The following PTPRD variants were observed in gnomAD, a reference collection of about 807,000 sequenced individuals.
PTPRD encodes protein tyrosine phosphatase receptor type D.
PTPRD carries 34 observed loss-of-function variants against 214.5 expected under a neutral mutation model. That is an observed-to-expected ratio of 0.16 (90% CI 0.12 to 0.21). The LOEUF is 0.21. Ranked by LOEUF, PTPRD falls within the 10% of genes least tolerant of loss-of-function variation. PTPRD has a pLI of 1.00. For missense variants in PTPRD, 2,545 were observed against 2,398.7 expected (o/e 1.06, Z -1.27); for synonymous variants, 1,128 against 845.7 (o/e 1.33, Z -5.79).
At chr9:9,360,504 G>T (rs1043458333) in intron 9 of PTPRD, among the ~76,000 whole-genome samples, 33 of 151,106 alleles carry the variant, frequency 2.2e-4, no homozygotes, top group African/African-American at 8.0e-4. Flanking sequence ...AAGGTCTATG[G>T]GAGTGTGAAT....
chr9:8,997,107 A>C (rs1194430488), intron 11 of PTPRD, among the ~76,000 whole-genome samples: 1 of 152,144 alleles, frequency 6.6e-6, no homozygotes, highest in Non-Finnish European at 1.5e-5. Context: ...GCTCAATGGC[A>C]GCATAATATT....
At chr9:8,684,400 A>G (rs906483638) in intron 12 of PTPRD, among the ~76,000 whole-genome samples, 8 of 152,220 alleles carry the variant, frequency 5.3e-5, no homozygotes, top group Admixed American at 3.3e-4. Flanking sequence ...CACAGCTGAC[A>G]AGTGAACCAA....
intron 3 of PTPRD, among the ~76,000 whole-genome samples, chr9:10,085,884 T>G (rs2098329293): frequency 6.6e-6 from 1 of 151,852 alleles, no homozygotes. Context: ...GGCAGTGTGA[T>G]GAACTGCCAA....
intron 10 of PTPRD, among the ~76,000 whole-genome samples, chr9:9,100,405 C>T (rs1285795651): frequency 6.6e-6 from 1 of 152,054 alleles, no homozygotes; most frequent in Non-Finnish European, 1.5e-5. Flanking sequence ...TGTAGTGACA[C>T]AGAGTAGGGT....
intron 4 of PTPRD, among the ~76,000 whole-genome samples, chr9:10,005,127 C>T (rs1364952102): frequency 6.6e-6 from 1 of 151,916 alleles, no homozygotes; most frequent in South Asian, 2.1e-4. Context: ...ATTTTTCAGC[C>T]CATTTAAAGG....
chr9:10,134,658 T>C (rs2098928925), intron 3 of PTPRD, among the ~76,000 whole-genome samples: 1 of 152,042 alleles, frequency 6.6e-6, no homozygotes, highest in Non-Finnish European at 1.5e-5. Context: ...TAGTCGTGTA[T>C]ATTCAACTTA....
intron 10 of PTPRD, among the ~76,000 whole-genome samples, chr9:9,051,368 G>C (rs949605941): frequency 1.3e-5 from 2 of 152,104 alleles, no homozygotes; most frequent in African/African-American, 4.8e-5. Context: ...TGCCTGAAAT[G>C]TTTCATTATG....
chr9:10,314,041 A>G (rs1048411013), intron 3 of PTPRD, among the ~76,000 whole-genome samples: 14 of 151,976 alleles, frequency 9.2e-5, no homozygotes, highest in East Asian at 7.8e-4. Context: ...ACAGAAGCTT[A>G]TAAGTGAGAG....
intron 11 of PTPRD, among the ~76,000 whole-genome samples, chr9:8,844,707 A>G (rs1215013441): frequency 1.3e-5 from 2 of 152,214 alleles, no homozygotes; most frequent in Admixed American, 6.5e-5. Flanking sequence ...TGGTCCAATA[A>G]TAGCCAAATC....
At chr9:9,323,899 C>T (rs961156834) in intron 9 of PTPRD, among the ~76,000 whole-genome samples, 2 of 152,138 alleles carry the variant, frequency 1.3e-5, no homozygotes, top group Admixed American at 1.3e-4. Context: ...TCCAAGTGTT[C>T]TCATTGTTCA....
At chr9:9,149,295 GA>G (rs1224936018) in intron 10 of PTPRD, among the ~76,000 whole-genome samples, 1 of 152,194 alleles carries the variant, frequency 6.6e-6, no homozygotes, top group Non-Finnish European at 1.5e-5. Context: ...AGTACACACT[GA>G]AAAGTGTTAG....
intron 3 of PTPRD, among the ~76,000 whole-genome samples, chr9:10,263,674 C>A (rs1413331889): frequency 2.0e-5 from 3 of 152,092 alleles, no homozygotes; most frequent in Admixed American, 2.0e-4. Context: ...CCTGACAATG[C>A]AATAGACAAG....
intron 9 of PTPRD, among the ~76,000 whole-genome samples, chr9:9,241,537 G>T (rs1477716658): frequency 6.6e-6 from 1 of 152,048 alleles, no homozygotes; most frequent in African/African-American, 2.4e-5. Context: ...TGGAGAAACT[G>T]GTCTCATACC....
Position 8,995,732 on chromosome 9 carries a change from G to C in PTPRD, c.-104+22965C>G, listed in dbSNP as rs998308441. On this transcript the variant is annotated intron_variant, in intron 11 of 45. Coordinates refer to ENST00000381196, the MANE Select transcript of PTPRD (RefSeq NM_002839.4). ...GCAGAGCTCATTCACAGAAGTTTCA[G>C]GTTTCACAGTGTTATATACTGGTTC... Among the ~76,000 whole-genome samples, 20 of 151,442 alleles carry C rather than the reference G, an allele frequency of 1.3e-4. 1 individual carries two copies. Among genetic ancestry groups the C allele is most frequent in the African/African-American group, 4.2e-4 (17 of 40,834 alleles).
At chr9:8,954,640 G>C (rs1053957536) in intron 11 of PTPRD, among the ~76,000 whole-genome samples, 5 of 151,816 alleles carry the variant, frequency 3.3e-5, no homozygotes, top group African/African-American at 1.2e-4. Flanking sequence ...GTTCCAATGA[G>C]AAGTAACAGG....
intron 3 of PTPRD, among the ~76,000 whole-genome samples, chr9:10,204,987 A>G (rs2099461404): frequency 1.3e-5 from 2 of 152,150 alleles, no homozygotes; most frequent in African/African-American, 4.8e-5. Flanking sequence ...TTTGAGTACA[A>G]ATTAATACTT....
chr9:8,581,855 T>C (rs1404017226), intron 14 of PTPRD, among the ~76,000 whole-genome samples: 1 of 117,618 alleles, frequency 8.5e-6, no homozygotes, highest in Non-Finnish European at 1.6e-5. Flanking sequence ...TTTGGGGAGG[T>C]GGAGGCGAGT....
At chr9:8,982,114 C>T (rs898453033) in intron 11 of PTPRD, among the ~76,000 whole-genome samples, 1 of 151,966 alleles carries the variant, frequency 6.6e-6, no homozygotes, top group Non-Finnish European at 1.5e-5. Context: ...GTGAAATTAA[C>T]ACACTGAATT....
intron 37 of PTPRD, among the ~76,000 whole-genome samples, chr9:8,379,186 T>C (rs2084189035): frequency 6.6e-6 from 1 of 152,218 alleles, no homozygotes; most frequent in Non-Finnish European, 1.5e-5. Context: ...CCATTTTCTC[T>C]CAGGAAATAT....
Sources: allele counts gnomAD v4.1 joint callset (sites outside exome capture counted in the v4.1 genomes callset), GRCh38; gene constraint gnomAD v4.1.1; transcripts MANE v1.5; gene names NCBI Gene and HGNC (gene_info 2026-07-23, HGNC 2026-07-21).